KDM4F: variants seen among roughly 807,000 people sequenced by gnomAD.
The protein encoded by KDM4F is probable lysine-specific demethylase 4F.
For missense variants in KDM4F, 586 were observed against 496.4 expected (o/e 1.18, Z -1.71); for synonymous variants, 223 against 184.4 (o/e 1.21, Z -1.70).
chr11:95,050,558 C>A, exon 1 of KDM4F: 1 of 690,138 alleles, frequency 1.4e-6, no homozygotes, highest in Non-Finnish European at 2.6e-6. Context: ...ACCACATAAC[C>A]AGCTGTCCCA....
chr11:95,050,801 G>T (rs782307436), exon 1 of KDM4F: 14 of 613,462 alleles, frequency 2.3e-5, no homozygotes, highest in Non-Finnish European at 3.5e-5. Flanking sequence ...CAGCTAAGAG[G>T]CGCCTCTCAG....
chr11:95,051,288 A>T (rs1252010327), exon 1 of KDM4F: 2 of 398,624 alleles, frequency 5.0e-6, no homozygotes, highest in African/African-American at 4.1e-5. Context: ...CCAATGCATG[A>T]TCAATCCTCT....
exon 1 of KDM4F, chr11:95,051,285 A>G (rs1253387773): frequency 2.5e-6 from 1 of 398,644 alleles, no homozygotes; most frequent in South Asian, 1.3e-4. Context: ...CCTCCAATGC[A>G]TGATCAATCC....
chr11:95,050,909 G>A lies in KDM4F; in HGVS notation c.1488G>A (p.Pro496=), dbSNP rs575820515. The change falls in exon 1 of 1, where the codon CCG becomes CCA. Residue 496 remains proline, a synonymous_variant. Transcript: ENST00000545950. ...CCGCACCTTTGAGCGGTGGCCTTCCGCATTTTGCAAAGGCTTCTGGCTGCT... is the reference window on the plus strand; with the variant it reads ...CCGCACCTTTGAGCGGTGGCCTTCCACATTTTGCAAAGGCTTCTGGCTGCT... 164 of 494,076 alleles carry A rather than the reference G, an allele frequency of 3.3e-4. 5 individuals are homozygous for A. In the South Asian group the frequency reaches 6.1e-3, roughly 19 times the overall value. The allele number at this position is 494,076 out of a possible 1,614,324, so 30.6% of individuals were successfully genotyped here.
chr11:95,050,750 T>C, exon 1 of KDM4F: 1 of 649,346 alleles, frequency 1.5e-6, no homozygotes, highest in South Asian at 1.7e-5. Flanking sequence ...GTGGTCGTCG[T>C]CCTCGAGAAC....
chr11:95,050,307 C>T, the KDM4F span: 5 of 1,365,184 alleles, frequency 3.7e-6, no homozygotes, highest in East Asian at 2.3e-5. Context: ...TGCCACTCCA[C>T]GATGGATTGA....
exon 1 of KDM4F, chr11:95,050,468 T>C (rs1858500254): frequency 1.1e-5 from 8 of 750,558 alleles, no homozygotes; most frequent in South Asian, 7.2e-5. Flanking sequence ...AGCCCAGGGT[T>C]GCAGAAAGCC....
exon 1 of KDM4F, chr11:95,050,257 G>T: frequency 6.5e-7 from 1 of 1,540,826 alleles, no homozygotes; most frequent in Non-Finnish European, 9.0e-7. Context: ...TACCATGCTG[G>T]CTTCAATCAC....
At chr11:95,050,947 A>T (rs797036179) in exon 1 of KDM4F, 39 of 475,372 alleles carry the variant, frequency 8.2e-5, no homozygotes, top group African/African-American at 6.0e-4. Flanking sequence ...TGTGCCCCTG[A>T]TCTTCAACCC....
chr11:95,050,746 G>A (rs1207941693), exon 1 of KDM4F: 20 of 647,096 alleles, frequency 3.1e-5, no homozygotes, highest in Non-Finnish European at 3.1e-5. Flanking sequence ...GGCCGTGGTC[G>A]TCGTCCTCGA....
exon 1 of KDM4F, chr11:95,050,222 G>A: frequency 1.2e-5 from 18 of 1,557,984 alleles, no homozygotes; most frequent in Admixed American, 5.0e-5. Flanking sequence ...AGGCTGGGGA[G>A]TTCATGGTGA....
chr11:95,050,909 G>T (rs575820515), exon 1 of KDM4F: 2 of 494,084 alleles, frequency 4.0e-6, no homozygotes, highest in African/African-American at 2.0e-5. Context: ...GTGGCCTTCC[G>T]CATTTTGCAA....
exon 1 of KDM4F, chr11:95,049,783 G>A (rs1245977102): frequency 1.9e-6 from 3 of 1,598,774 alleles, no homozygotes; most frequent in South Asian, 1.1e-5. Context: ...TTGGAGCAAC[G>A]ATACTGGAAG....
At chr11:95,050,991 C>A (rs905038928) in exon 1 of KDM4F, 5 of 448,282 alleles carry the variant, frequency 1.1e-5, no homozygotes, top group Middle Eastern at 5.5e-4. Flanking sequence ...TGAACCCATG[C>A]ACCCTGGCCC....
At chr11:95,051,251 C>T (rs183022018) in exon 1 of KDM4F, 14 of 398,744 alleles carry the variant, frequency 3.5e-5, no homozygotes, top group South Asian at 2.5e-4. Flanking sequence ...GACAGAGATA[C>T]GCCACTGAAT....
At chr11:95,050,252 T>G in exon 1 of KDM4F, 1 of 1,543,270 alleles carries the variant, frequency 6.5e-7, no homozygotes, top group Non-Finnish European at 9.0e-7. Context: ...ATGGCTACCA[T>G]GCTGGCTTCA....
chr11:95,049,635 C>G, exon 1 of KDM4F: 1 of 1,599,230 alleles, frequency 6.3e-7, no homozygotes, highest in Non-Finnish European at 8.5e-7. Flanking sequence ...AGCCACTCCC[C>G]TCCAGCAGGT....
At chr11:95,050,204 G>GA in the KDM4F span, 3 of 1,557,906 alleles carry the variant, frequency 1.9e-6, no homozygotes, top group Non-Finnish European at 2.7e-6. Context: ...TCAATCGCAT[G>GA]ACTCAGGAGG....
exon 1 of KDM4F, chr11:95,050,745 C>T: frequency 9.3e-6 from 6 of 646,590 alleles, no homozygotes; most frequent in East Asian, 5.4e-5. Context: ...AGGCCGTGGT[C>T]GTCGTCCTCG....
Sources: gnomAD v4.1 joint callset for allele counts on GRCh38, gnomAD v4.1.1 for gene constraint, MANE v1.5 for transcripts, NCBI Gene and HGNC (gene_info 2026-07-23, HGNC 2026-07-21) for gene names.